SNTG2: variants seen among roughly 807,000 people sequenced by gnomAD.
SNTG2 encodes the protein syntrophin gamma 2, also known as gamma-2-syntrophin.
Under a neutral mutation model 70.9 loss-of-function variants are expected in SNTG2, and 74 were observed. The ratio of observed to expected loss-of-function variants is 1.04; its 90% CI spans 0.86 to 1.27. The LOEUF (loss-of-function observed/expected upper bound fraction) is 1.27, where lower values mean the gene tolerates loss of function less well. Among genes scored for constraint, SNTG2 ranks in the 50% most tolerant of loss-of-function variants. The pLI is 0.00. For synonymous variants in SNTG2, 278 were observed against 273.8 expected (o/e 1.02, Z -0.15); for missense variants, 717 against 690.7 (o/e 1.04, Z -0.43).
chr2:955,935 C>T (rs891547694), intron 1 of SNTG2, among the ~76,000 whole-genome samples: 9 of 152,136 alleles, frequency 5.9e-5, no homozygotes, highest in African/African-American at 1.9e-4. Context: ...CCACTGTCTC[C>T]GGCCCTGCCT....
chr2:1,321,620 G>A (rs1681525595), intron 16 of SNTG2, among the ~76,000 whole-genome samples: 1 of 152,122 alleles, frequency 6.6e-6, no homozygotes, highest in African/African-American at 2.4e-5. Flanking sequence ...ACTATTTCAG[G>A]AAGCCAGATG....
intron 9 of SNTG2, among the ~76,000 whole-genome samples, chr2:1,230,742 A>G (rs1464114067): frequency 6.6e-6 from 1 of 152,184 alleles, no homozygotes; most frequent in Non-Finnish European, 1.5e-5. Flanking sequence ...CCCGGGCCCC[A>G]CACTCAGCAG....
intron 4 of SNTG2, among the ~76,000 whole-genome samples, chr2:1,136,114 A>G (rs572743026): frequency 2.0e-5 from 3 of 152,294 alleles, no homozygotes; most frequent in African/African-American, 7.2e-5. Flanking sequence ...GTAATTTCAC[A>G]TGGAATCCAC....
At chr2:974,737 C>T (rs2147960193) in intron 1 of SNTG2, among the ~76,000 whole-genome samples, 1 of 152,264 alleles carries the variant, frequency 6.6e-6, no homozygotes, top group Non-Finnish European at 1.5e-5. Context: ...AATCCTGTCT[C>T]CATTCAGAGG....
intron 16 of SNTG2, among the ~76,000 whole-genome samples, chr2:1,348,209 G>A (rs745359379): frequency 3.9e-5 from 6 of 152,088 alleles, no homozygotes; most frequent in Admixed American, 6.5e-5. Context: ...AAGTGTGCAC[G>A]GATAATTTGT....
Position 1,342,204 on chromosome 2 carries a change from G to C in SNTG2, c.1489-25139G>C, listed in dbSNP as rs113273415. ...ACTCCTTAGACAAGGCCGGTTTCTTGCTTCTGGCTTGTTATGAATTATGTT... is the reference window on the plus strand; with the variant it reads ...ACTCCTTAGACAAGGCCGGTTTCTTCCTTCTGGCTTGTTATGAATTATGTT... On this transcript the variant is annotated intron_variant, in intron 16 of 16. Coordinates refer to ENST00000308624, the MANE Select transcript of SNTG2 (RefSeq NM_018968.4). Among the ~76,000 whole-genome samples the C allele has an allele frequency of 9.7e-3, 1,449 of 149,572 alleles. 30 individuals carry two copies. Among genetic ancestry groups the C allele is most frequent in the African/African-American group, 0.034 (1,355 of 40,028 alleles).
chr2:1,173,017 C>T (rs1671228519), intron 7 of SNTG2, 75 bp from the exon 8 acceptor site: 2 of 1,351,746 alleles, frequency 1.5e-6, no homozygotes, highest in Non-Finnish European at 2.1e-6. Flanking sequence ...ACAGGTAGAA[C>T]TGAAGTCACT....
chr2:1,240,747 G>C (rs1211549225), intron 11 of SNTG2, among the ~76,000 whole-genome samples: 1 of 152,114 alleles, frequency 6.6e-6, no homozygotes, highest in Non-Finnish European at 1.5e-5. Context: ...AACCTCTCTA[G>C]TCAACATTTC....
At chr2:1,248,957 C>T (rs985765248) in intron 12 of SNTG2, among the ~76,000 whole-genome samples, 27 of 152,168 alleles carry the variant, frequency 1.8e-4, no homozygotes, top group Non-Finnish European at 3.5e-4. Flanking sequence ...GTTTCTTGGC[C>T]GTGGGTCTTC....
intron 1 of SNTG2, among the ~76,000 whole-genome samples, chr2:1,021,071 C>T (rs934569284): frequency 6.6e-6 from 1 of 152,186 alleles, no homozygotes; most frequent in African/African-American, 2.4e-5. Context: ...ATGATTAATT[C>T]TCTCTTGAAT....
intron 1 of SNTG2, among the ~76,000 whole-genome samples, chr2:1,017,400 C>T (rs939215194): frequency 1.3e-5 from 2 of 152,172 alleles, no homozygotes; most frequent in African/African-American, 2.4e-5. Flanking sequence ...CACATGCAGG[C>T]ATGCAGACAC....
intron 12 of SNTG2, chr2:1,256,662 C>A (rs1354067417): frequency 6.6e-6 from 1 of 152,044 alleles, no homozygotes; most frequent in Non-Finnish European, 1.5e-5. Flanking sequence ...GAACCTGATG[C>A]CTGCACTTTC....
At chr2:1,328,837 A>G (rs1292036826) in intron 16 of SNTG2, among the ~76,000 whole-genome samples, 1 of 151,848 alleles carries the variant, frequency 6.6e-6, no homozygotes, top group Non-Finnish European at 1.5e-5. Context: ...ATATACACAC[A>G]TACACATACA....
chr2:1,323,878 C>A (rs1283443734), intron 16 of SNTG2, among the ~76,000 whole-genome samples: 1 of 151,186 alleles, frequency 6.6e-6, no homozygotes, highest in Non-Finnish European at 1.5e-5. Flanking sequence ...CTCCCGCCAC[C>A]CAGTAATGTG....
At chr2:992,106 AGATAG>A (rs1661517480) in intron 1 of SNTG2, among the ~76,000 whole-genome samples, 1 of 152,198 alleles carries the variant, frequency 6.6e-6, no homozygotes. Flanking sequence ...AAATAACCTC[AGATAG>A]GATTTTCTTT....
chr2:1,187,239 C>T (rs1672304919), intron 8 of SNTG2, among the ~76,000 whole-genome samples: 1 of 152,218 alleles, frequency 6.6e-6, no homozygotes, highest in South Asian at 2.1e-4. Context: ...TATGTGTCCA[C>T]TTGGCTAGGA....
At chr2:1,310,275 G>T (rs1680916383) in intron 15 of SNTG2, among the ~76,000 whole-genome samples, 1 of 152,150 alleles carries the variant, frequency 6.6e-6, no homozygotes, top group Admixed American at 6.5e-5. Flanking sequence ...CCCATTGCCT[G>T]GGCCAGCACT....
chr2:1,280,876 G>A (rs899110933), intron 14 of SNTG2, among the ~76,000 whole-genome samples: 12 of 152,244 alleles, frequency 7.9e-5, no homozygotes, highest in African/African-American at 2.2e-4. Flanking sequence ...TGTCAAATCC[G>A]ATAATTACTA....
At chr2:1,082,733 C>G (rs1442251932) in intron 1 of SNTG2, among the ~76,000 whole-genome samples, 1 of 152,250 alleles carries the variant, frequency 6.6e-6, no homozygotes, top group East Asian at 1.9e-4. Flanking sequence ...GTGGGACGCC[C>G]AAGCCCTGTG....
Sources: gnomAD v4.1 joint callset for allele counts (sites outside exome capture counted in the v4.1 genomes callset) on GRCh38, gnomAD v4.1.1 for gene constraint, MANE v1.5 for transcripts, NCBI Gene and HGNC (gene_info 2026-07-23, HGNC 2026-07-21) for gene names.